Variants in KAZN observed in about 807,000 individuals in gnomAD.
KAZN encodes kazrin, periplakin interacting protein, also known as kazrin.
In KAZN, 40 loss-of-function variants were observed where a neutral mutation model predicts 87.4. The observed-to-expected ratio is 0.46, with a 90% CI of 0.36 to 0.60. The LOEUF (loss-of-function observed/expected upper bound fraction) is 0.60, where lower values mean the gene tolerates loss of function less well. Ranked by LOEUF, KAZN falls within the 20% of genes least tolerant of loss-of-function variation. KAZN has a pLI of 0.00. For missense variants in KAZN, 898 were observed against 1,073.9 expected (o/e 0.84, Z 2.29); for synonymous variants, 466 against 458.3 (o/e 1.02, Z -0.22).
intron 1 of KAZN, among the ~76,000 whole-genome samples, chr1:13,929,254 C>G (rs1459422074): frequency 6.6e-6 from 1 of 151,986 alleles, no homozygotes; most frequent in Non-Finnish European, 1.5e-5. Context: ...CCCTTGGACC[C>G]AGGAGTGGCA....
At chr1:14,398,808 G>T (rs997761013) in intron 2 of KAZN, among the ~76,000 whole-genome samples, 2 of 152,178 alleles carry the variant, frequency 1.3e-5, no homozygotes, top group Non-Finnish European at 2.9e-5. Context: ...AGACCACGTG[G>T]TCAAGCACTC....
At chr1:14,654,987 G>A (rs1056444976) in intron 1 of KAZN, among the ~76,000 whole-genome samples, 6 of 152,222 alleles carry the variant, frequency 3.9e-5, no homozygotes, top group African/African-American at 1.4e-4. Context: ...ACCCAGGCAA[G>A]TGGTTCTCAA....
chr1:14,218,939 A>G (rs946168830), intron 2 of KAZN, among the ~76,000 whole-genome samples: 1 of 152,156 alleles, frequency 6.6e-6, no homozygotes, highest in African/African-American at 2.4e-5. Flanking sequence ...ACACAACCGT[A>G]CATCACATGG....
At chr1:14,879,320 A>G (rs1653087176) in intron 1 of KAZN, among the ~76,000 whole-genome samples, 1 of 152,246 alleles carries the variant, frequency 6.6e-6, no homozygotes, top group East Asian at 1.9e-4. Context: ...AGCACACAGC[A>G]TATTCCTAAC....
chr1:14,859,760 G>A (rs1303855874), intron 1 of KAZN, among the ~76,000 whole-genome samples: 1 of 152,158 alleles, frequency 6.6e-6, no homozygotes, highest in African/African-American at 2.4e-5. Context: ...GTCCTTCTAG[G>A]TTTTTCTGCA....
chr1:14,211,053 A>G (rs1646843356), intron 2 of KAZN, among the ~76,000 whole-genome samples: 1 of 152,140 alleles, frequency 6.6e-6, no homozygotes, highest in African/African-American at 2.4e-5. Flanking sequence ...TGGGAGACAC[A>G]CAGGAGTTCC....
At chr1:14,635,640 G>A (rs1406381807) in intron 1 of KAZN, among the ~76,000 whole-genome samples, 1 of 152,222 alleles carries the variant, frequency 6.6e-6, no homozygotes, top group Non-Finnish European at 1.5e-5. Flanking sequence ...TTCTCTCAGG[G>A]CATCATTGGA....
chr1:14,547,197 TC>T (rs1432175946), intron 2 of KAZN, among the ~76,000 whole-genome samples: 1 of 152,250 alleles, frequency 6.6e-6, no homozygotes, highest in African/African-American at 2.4e-5. Context: ...CATTTTTTTT[TC>T]CTTGACCTTC....
chr1:13,920,093 T>G (rs1640006808), intron 1 of KAZN, among the ~76,000 whole-genome samples: 1 of 151,964 alleles, frequency 6.6e-6, no homozygotes, highest in Non-Finnish European at 1.5e-5. Context: ...CTACTAAAAA[T>G]ACAAAAATTA....
In KAZN at chr1:15,024,324, C is replaced by T. The variant is rs551271970; in HGVS notation, c.419-10425C>T. Among the ~76,000 whole-genome samples the T allele has an allele frequency of 3.9e-5, 6 of 152,258 alleles. No individual in the cohort carries two copies. The East Asian group carries it at 5.8e-4, about 15-fold the overall frequency. On this transcript the variant is annotated intron_variant, in intron 2 of 14. Transcript: ENST00000376030. Reference sequence around the variant, plus strand: ...TGGATTCACACTCAGAGGTCGTTGGCGACCGGCATGGAAAAGCCAGAGCCG... The same window carrying T: ...TGGATTCACACTCAGAGGTCGTTGGTGACCGGCATGGAAAAGCCAGAGCCG...
At chr1:14,261,923 C>T (rs968163101) in intron 2 of KAZN, among the ~76,000 whole-genome samples, 3 of 152,114 alleles carry the variant, frequency 2.0e-5, no homozygotes, top group Non-Finnish European at 4.4e-5. Flanking sequence ...ACCTAAATGC[C>T]GTGGTCCCCA....
At chr1:14,602,896 G>C (rs1677088398) in intron 1 of KAZN, among the ~76,000 whole-genome samples, 1 of 152,196 alleles carries the variant, frequency 6.6e-6, no homozygotes, top group Non-Finnish European at 1.5e-5. Flanking sequence ...CTTTGGTGTG[G>C]AGGACTTCCT....
intron 2 of KAZN, among the ~76,000 whole-genome samples, chr1:14,493,124 C>T (rs1173930707): frequency 1.3e-5 from 2 of 152,194 alleles, no homozygotes; most frequent in African/African-American, 4.8e-5. Flanking sequence ...GTGCCCCTCC[C>T]TCCCACCTGA....
intron 1 of KAZN, among the ~76,000 whole-genome samples, chr1:13,951,488 A>G (rs752163515): frequency 3.3e-5 from 5 of 152,036 alleles, no homozygotes; most frequent in Non-Finnish European, 5.9e-5. Context: ...ATTATTACTA[A>G]TGTCCCCTTT....
intron 1 of KAZN, among the ~76,000 whole-genome samples, chr1:14,136,709 G>T (rs567029117): frequency 6.6e-6 from 1 of 152,286 alleles, no homozygotes; most frequent in South Asian, 2.1e-4. Flanking sequence ...CCAGCTGCTT[G>T]CTGCCTCCTG....
At position 14,359,701 on chromosome 1, in the gene KAZN, G is replaced by A. The variant is rs112311870; in HGVS notation, c.249+179109G>A. 4.9e-3 allele frequency among the ~76,000 whole-genome samples: 753 copies of A among 152,224 alleles called. 6 individuals carry two copies. The highest frequency in any genetic ancestry group is 0.017 in the African/African-American group (710 of 41,526). On this transcript the variant is annotated intron_variant, in intron 2 of 16. Transcript: ENST00000636203. ...ATTTCTCCTTCACTTATGAAGCGTC[G>A]TTTGGCTGGATATGAAATTCTGGGT... is the stretch of plus-strand genomic sequence containing the variant.
intron 2 of KAZN, among the ~76,000 whole-genome samples, chr1:14,417,183 A>C (rs75376952): frequency 2.2e-5 from 1 of 45,788 alleles, no homozygotes; most frequent in Non-Finnish European, 5.0e-5. Flanking sequence ...GTCTCAAAAT[A>C]AAAAAAAAAA....
rs529637786 is a variant in KAZN, at chr1:15,087,478, C to T, written c.1223-6702C>T. On this transcript the variant is annotated intron_variant, in intron 8 of 14. Transcript: ENST00000376030. ...CGTGATCTCAGCTCACTGCAACCCC[C>T]GCCTCCTGGGTTCAAGCAATTCTCC... 1.3e-4 allele frequency among the ~76,000 whole-genome samples: 20 copies of T among 152,014 alleles called. No homozygotes were observed. The South Asian group carries it at 3.5e-3, about 27-fold the overall frequency.
At position 14,942,004 on chromosome 1, in the gene KAZN, C is replaced by T. The variant is rs114298454; in HGVS notation, c.227-18680C>T. Reference sequence around the variant, plus strand: ...TGGTCAGCCTACAATTCCAGAGAGACGTGGCAATGAGCCCACTATACAGGG... The same window carrying T: ...TGGTCAGCCTACAATTCCAGAGAGATGTGGCAATGAGCCCACTATACAGGG... On this transcript the variant is annotated intron_variant, in intron 1 of 14. Coordinates refer to ENST00000376030, the MANE Select transcript of KAZN (RefSeq NM_201628.3). Among the ~76,000 whole-genome samples the T allele has an allele frequency of 3.0e-3, 461 of 152,298 alleles. 2 individuals are homozygous for T. The highest frequency in any genetic ancestry group is 0.014 in the Middle Eastern group (4 of 294).
Sources: allele counts gnomAD v4.1 joint callset (sites outside exome capture counted in the v4.1 genomes callset), GRCh38; gene constraint gnomAD v4.1.1; transcripts MANE v1.5; gene names NCBI Gene and HGNC (gene_info 2026-07-23, HGNC 2026-07-21).